PSMD5: variants seen among roughly 807,000 people sequenced by gnomAD.
PSMD5 encodes the protein 26S proteasome non-ATPase regulatory subunit 5.
In PSMD5, 40 loss-of-function variants were observed where a neutral mutation model predicts 52.1. The ratio of observed to expected loss-of-function variants is 0.77; its 90% CI spans 0.60 to 1.00. PSMD5 has a LOEUF of 1.00. PSMD5 is among the 50% of genes least tolerant of loss of function. The pLI is 0.00. For synonymous variants in PSMD5, 211 were observed against 226.6 expected, an observed-to-expected ratio of 0.93 and a Z score of 0.62; for missense variants, 575 against 605.2, an observed-to-expected ratio of 0.95 and a Z score of 0.52.
At chr9:120,829,309 T>C (rs1325080740) in intron 4 of PSMD5, 101 bp from the exon 5 acceptor site, 1 of 1,266,070 alleles carries the variant, frequency 7.9e-7, no homozygotes, top group East Asian at 3.0e-5. Context: ...GTACTTTTTA[T>C]AAATGAGTTT....
intron 9 of PSMD5, among the ~76,000 whole-genome samples, chr9:120,818,673 TA>T (rs1237957819): frequency 6.6e-6 from 1 of 151,936 alleles, no homozygotes; most frequent in East Asian, 1.9e-4. Flanking sequence ...GAGAATGATA[TA>T]TTGTGGCTAT....
At position 120,817,912 on chromosome 9, in the gene PSMD5, G is replaced by A. The variant is rs374798091; in HGVS notation, c.1509C>T (p.Ala503=). The change falls in exon 10 of 10, where the codon GCC becomes GCT. Residue 503 remains alanine (A), a synonymous_variant. Transcript: ENST00000210313. ...KPVSTTAVEG[A]E is the part of the protein sequence containing the mutation. The stretch of plus-strand genomic sequence containing the variant: ...ACATGAGCTCTAGAAGAAATCATTC[G>A]GCTCCTTCTACTGCTGTCGTGGAAA... 4.4e-5 allele frequency: 71 copies of A among 1,610,774 alleles called. No homozygotes were observed. The highest frequency in any genetic ancestry group is 9.4e-5 in the African/African-American group (7 of 74,792).
In PSMD5 at chr9:120,833,469, T is replaced by C. The variant is rs750381838; in HGVS notation, c.174-13A>G. 4.3e-6 allele frequency: 7 copies of C among 1,610,224 alleles called. No homozygotes were observed. Among genetic ancestry groups the C allele is most frequent in the Non-Finnish European group, 5.9e-6 (7 of 1,177,290 alleles). On this transcript the variant is annotated splice_polypyrimidine_tract_variant and intron_variant, in intron 1 of 9. Coordinates refer to ENST00000210313, the MANE Select transcript of PSMD5 (RefSeq NM_005047.4). ...AGTAGTCTTTTCCCTGAAGGAGACATCATAAATCTTATTAGTTCATATCCT... is the reference window on the plus strand; with the variant it reads ...AGTAGTCTTTTCCCTGAAGGAGACACCATAAATCTTATTAGTTCATATCCT...
intron 2 of PSMD5, among the ~76,000 whole-genome samples, chr9:120,832,393 C>CTTTT (rs35785525): frequency 2.1e-4 from 27 of 126,906 alleles, no homozygotes; most frequent in Non-Finnish European, 2.7e-4. Context: ...TTCCCCCAAC[C>CTTTT]TTTTTTTTTT....
intron 4 of PSMD5, 51 bp from the exon 5 acceptor site, chr9:120,829,259 A>G: frequency 6.8e-7 from 1 of 1,474,424 alleles, no homozygotes. Flanking sequence ...AATCAGCCCT[A>G]CGCCTGATAG....
intron 1 of PSMD5, chr9:120,842,524 G>A (rs2045247308): frequency 1.7e-6 from 1 of 601,116 alleles, no homozygotes; most frequent in African/African-American, 1.9e-5. Context: ...AGCGAGGCCA[G>A]GCGACGGGAG....
chr9:120,819,471 G>C (rs1214462306), intron 9 of PSMD5, among the ~76,000 whole-genome samples: 1 of 152,172 alleles, frequency 6.6e-6, no homozygotes, highest in African/African-American at 2.4e-5. Flanking sequence ...AACTAATAAT[G>C]AAAATACTAA....
rs746910974 is a variant in PSMD5, at chr9:120,831,358, A to G, written c.534T>C (p.Asn178=). 2.9e-5 allele frequency: 46 copies of G among 1,611,326 alleles called. No individual in the cohort carries two copies. Among genetic ancestry groups the G allele is most frequent in the Middle Eastern group, 1.6e-4 (1 of 6,068 alleles). ...CATACACCCTGTATCGAACAATGTC[A>G]TTTGTTTTCATTACACTTTTCAAAT... The part of the protein sequence containing the change: ...LDDLKSVMKT[N]DIVRYRVYEL... Residue 178 remains asparagine, a synonymous_variant, in exon 4 of 10, where the codon AAT becomes AAC. Coordinates refer to ENST00000210313, the MANE Select transcript of PSMD5 (RefSeq NM_005047.4).
chr9:120,837,206 TAGAGAC>T (rs2045204533), intron 1 of PSMD5, among the ~76,000 whole-genome samples: 2 of 152,196 alleles, frequency 1.3e-5, no homozygotes, highest in African/African-American at 4.8e-5. Context: ...GTATTTTTAG[TAGAGAC>T]AGGGTTTCAC....
intron 1 of PSMD5, among the ~76,000 whole-genome samples, chr9:120,835,202 C>G (rs1485564585): frequency 4.6e-5 from 7 of 152,138 alleles, no homozygotes; most frequent in Non-Finnish European, 1.0e-4. Context: ...CAAATGTTCA[C>G]AGCAGTGGAA....
rs1243200691 is a variant in PSMD5 at position 120,817,934 on chromosome 9, G to A, written c.1487C>T (p.Ser496Phe). Residue 496 changes from serine to phenylalanine, a missense_variant, in exon 10 of 10, where the codon TCC becomes TTC. Coordinates refer to ENST00000210313, the MANE Select transcript of PSMD5 (RefSeq NM_005047.4). ...SEGPYYVKPV[S>F]TTAVEGAE ...TTCGGCTCCTTCTACTGCTGTCGTG[G>A]AAACAGGTTTCACATAGTATGGCCC... 2 of 1,613,440 alleles carry A rather than the reference G, an allele frequency of 1.2e-6. No individual in the cohort carries two copies. The highest frequency in any genetic ancestry group is 4.5e-5 in the East Asian group (2 of 44,878).
intron 1 of PSMD5, among the ~76,000 whole-genome samples, chr9:120,835,732 AAAAAAAAAAT>A (rs1229486857): frequency 6.6e-6 from 1 of 152,058 alleles, no homozygotes; most frequent in Non-Finnish European, 1.5e-5. Context: ...TCTGTCTCAA[AAAAAAAAAAT>A]AAAATAAAAT....
At chr9:120,829,790 CAACA>C (rs2045147558) in intron 4 of PSMD5, among the ~76,000 whole-genome samples, 1 of 152,230 alleles carries the variant, frequency 6.6e-6, no homozygotes, top group Non-Finnish European at 1.5e-5. Flanking sequence ...GAATCAGCCA[CAACA>C]AACAGATTAT....
chr9:120,821,938 A>G (rs915897265), intron 7 of PSMD5, among the ~76,000 whole-genome samples: 3 of 152,112 alleles, frequency 2.0e-5, no homozygotes, highest in African/African-American at 7.2e-5. Context: ...GGTTGCTTGC[A>G]CCTTTTTTTG....
chr9:120,836,890 A>ATTT (rs34718162), intron 1 of PSMD5, among the ~76,000 whole-genome samples: 1 of 136,028 alleles, frequency 7.4e-6, no homozygotes. Context: ...CGAAGAACCG[A>ATTT]TTTTTTTTTT....
At position 120,842,890 on chromosome 9, in the gene PSMD5, G is replaced by A. The variant is rs781417211; in HGVS notation, c.20C>T (p.Ala7Val). 3.8e-6 allele frequency: 6 copies of A among 1,592,774 alleles called. No homozygotes were observed. The Admixed American group carries it at 6.8e-5, about 18-fold the overall frequency. The change falls in exon 1 of 10, where the codon GCG (alanine) becomes GTG (valine). Residue 7 changes from alanine (A) to valine (V), a missense_variant. Coordinates refer to ENST00000210313, the MANE Select transcript of PSMD5 (RefSeq NM_005047.4). Reference sequence around the variant, plus strand: ...CAGCCTCGCTACCTCTCTCAGCAGCGCCAAAGCCTGGGCTGCCATCTTGCC... The same window carrying A: ...CAGCCTCGCTACCTCTCTCAGCAGCACCAAAGCCTGGGCTGCCATCTTGCC... The part of the protein sequence containing the change: MAAQAL[A>V]LLREVARLEA...
intron 4 of PSMD5, among the ~76,000 whole-genome samples, chr9:120,831,053 T>G (rs930050983): frequency 6.6e-6 from 1 of 152,096 alleles, no homozygotes; most frequent in Admixed American, 6.6e-5. Context: ...ACAGCTAATT[T>G]TTAAAATCGT....
chr9:120,827,521 T>C (rs759497026), intron 5 of PSMD5, among the ~76,000 whole-genome samples: 10 of 152,236 alleles, frequency 6.6e-5, no homozygotes, highest in Admixed American at 1.3e-4. Flanking sequence ...TTTATTTAGT[T>C]GGTGGTTGAT....
intron 3 of PSMD5, 61 bp downstream of exon 3, chr9:120,831,768 TTTC>T: frequency 6.4e-7 from 1 of 1,553,384 alleles, no homozygotes; most frequent in Admixed American, 2.1e-5. Context: ...TCAGAAGGCC[TTTC>T]TTTATCTTTT....
Sources: allele counts gnomAD v4.1 joint callset (sites outside exome capture counted in the v4.1 genomes callset), GRCh38; gene constraint gnomAD v4.1.1; transcripts MANE v1.5; gene names NCBI Gene and HGNC (gene_info 2026-07-23, HGNC 2026-07-21).